CAMSAP2: variants seen among roughly 807,000 people sequenced by gnomAD.
CAMSAP2 encodes calmodulin regulated spectrin associated protein family member 2.
A neutral mutation model predicts 146.1 loss-of-function variants in CAMSAP2; 26 were observed. That is an observed-to-expected ratio of 0.18 (90% CI 0.13 to 0.25). The LOEUF (loss-of-function observed/expected upper bound fraction) is 0.25. Among genes scored for constraint, CAMSAP2 ranks in the 10% least tolerant of loss-of-function variants. CAMSAP2 has a pLI of 1.00. For missense variants in CAMSAP2, 1,381 were observed against 1,759.3 expected, an observed-to-expected ratio of 0.78 and a Z score of 3.85; for synonymous variants, 499 against 596.6, an observed-to-expected ratio of 0.84 and a Z score of 2.38.
chr1:200,782,007 CAT>C (rs1174083497), intron 2 of CAMSAP2, among the ~76,000 whole-genome samples: 2 of 151,860 alleles, frequency 1.3e-5, no homozygotes, highest in Non-Finnish European at 2.9e-5. Context: ...GGGGGGAAAA[CAT>C]AAAAATAAAT....
intron 2 of CAMSAP2, among the ~76,000 whole-genome samples, chr1:200,791,648 T>G (rs1340074487): frequency 6.6e-6 from 1 of 152,218 alleles, no homozygotes; most frequent in Non-Finnish European, 1.5e-5. Flanking sequence ...ATTCCTGTGG[T>G]CCCTTTCAAA....
chr1:200,785,171 G>A (rs939366025), intron 2 of CAMSAP2, among the ~76,000 whole-genome samples: 1 of 151,938 alleles, frequency 6.6e-6, no homozygotes, highest in South Asian at 2.1e-4. Flanking sequence ...TTTTCTCAAG[G>A]GTGTTTACAG....
intron 2 of CAMSAP2, among the ~76,000 whole-genome samples, chr1:200,786,130 T>A (rs1002524019): frequency 1.3e-5 from 2 of 152,232 alleles, no homozygotes; most frequent in African/African-American, 4.8e-5. Context: ...CTTTTTACTT[T>A]CCTGGTGTTA....
At position 200,857,433 on chromosome 1, in the gene CAMSAP2, G is replaced by A. The variant is rs539709709; in HGVS notation, c.4131+9G>A. The A allele has an allele frequency of 1.9e-6, 3 of 1,572,524 alleles. No homozygotes were observed. The highest frequency in any genetic ancestry group is 1.1e-5 in the South Asian group (1 of 90,112). On this transcript the variant is annotated intron_variant, in intron 16 of 16. Coordinates refer to ENST00000358823, the MANE Select transcript of CAMSAP2 (RefSeq NM_203459.4). The surrounding 1 kb of genome is among the most constrained non-coding windows in gnomAD (Gnocchi z 4.7). The stretch of plus-strand genomic sequence containing the variant: ...AGAAAAAAATACTGGAGGTAAGCAT[G>A]TTTGCATGAAAATTAAATTTGGCAA...
intron 4 of CAMSAP2, among the ~76,000 whole-genome samples, chr1:200,831,522 C>G (rs1315814123): frequency 6.6e-6 from 1 of 152,140 alleles, no homozygotes; most frequent in Non-Finnish European, 1.5e-5. Context: ...AAAATTCTAT[C>G]TAGCCACACC....
chr1:200,841,844 T>C, intron 6 of CAMSAP2, 150 bp from the exon 7 acceptor site: 1 of 605,906 alleles, frequency 1.7e-6, no homozygotes, highest in Non-Finnish European at 2.9e-6. Flanking sequence ...CCACAAGAGT[T>C]AATATTCCAT....
At chr1:200,856,235 A>G (rs927758397) in intron 15 of CAMSAP2, 110 bp downstream of exon 15, 4 of 690,320 alleles carry the variant, frequency 5.8e-6, no homozygotes, top group African/African-American at 3.6e-5. Flanking sequence ...AACATAGGCA[A>G]CTAATAAACA....
chr1:200,853,164 C>CA lies in CAMSAP2; in HGVS notation c.3603-110dup. Reference sequence around the variant, plus strand: ...GTACCTTTTAAATGAACCATTTATTCACCAAGGTGATGAAATAGAATTCTC... The same window carrying CA: ...GTACCTTTTAAATGAACCATTTATTCAACCAAGGTGATGAAATAGAATTCTC... On this transcript the variant is annotated intron_variant, in intron 12 of 16. Coordinates refer to ENST00000358823, the MANE Select transcript of CAMSAP2 (RefSeq NM_203459.4). This position sits in a 1 kb window ranked among gnomAD's most constrained non-coding sequence, Gnocchi z 5.1. 1.1e-6 allele frequency: 1 copy of CA among 935,388 alleles called. No individual in the cohort carries two copies. Among genetic ancestry groups the CA allele is most frequent in the Non-Finnish European group, 1.6e-6 (1 of 609,718 alleles). The allele number at this position is 935,388 out of a possible 1,614,324, so 57.9% of individuals were successfully genotyped here.
In CAMSAP2 at chr1:200,852,646, G is replaced by A. The variant is rs752384860; in HGVS notation, c.3571G>A (p.Ala1191Thr). 2.5e-6 allele frequency: 4 copies of A among 1,613,614 alleles called. No individual in the cohort carries two copies. In the African/African-American group the frequency reaches 5.3e-5, roughly 22 times the overall value. ...ETQLRKQQLE[A>T]EMEHKKEETR... ...TCAGCTCCGGAAACAACAGTTGGAA[G>A]CAGAAATGGAGCATAAGAAGGAGGA... The change falls in exon 12 of 17, where the codon GCA (alanine) becomes ACA (threonine). Residue 1191 changes from alanine to threonine, a missense_variant. By Grantham distance (58) the Ala-to-Thr change is moderately conservative. This residue lies in a region of CAMSAP2 where 560 missense variants were observed against 715.9 expected (regional missense o/e 0.78). Coordinates refer to ENST00000358823, the MANE Select transcript of CAMSAP2 (RefSeq NM_203459.4).
At chr1:200,856,426 G>C (rs1168092323) in intron 15 of CAMSAP2, among the ~76,000 whole-genome samples, 1 of 152,176 alleles carries the variant, frequency 6.6e-6, no homozygotes, top group Non-Finnish European at 1.5e-5. Context: ...AATCCACCAA[G>C]TCCTCTCCCT....
chr1:200,823,936 G>T (rs1666837529), intron 4 of CAMSAP2, among the ~76,000 whole-genome samples: 1 of 151,968 alleles, frequency 6.6e-6, no homozygotes, highest in Non-Finnish European at 1.5e-5. Flanking sequence ...AATATTTTAT[G>T]CTTTGAGTTA....
At chr1:200,830,198 T>C (rs1667007083) in intron 4 of CAMSAP2, among the ~76,000 whole-genome samples, 1 of 152,244 alleles carries the variant, frequency 6.6e-6, no homozygotes, top group Admixed American at 6.5e-5. Context: ...TTACTTAATA[T>C]ATCTTCTAGA....
At chr1:200,755,420 C>T (rs996763528) in intron 1 of CAMSAP2, among the ~76,000 whole-genome samples, 1 of 152,214 alleles carries the variant, frequency 6.6e-6, no homozygotes, top group Admixed American at 6.5e-5. Flanking sequence ...CTCCCCTGGT[C>T]ACTGAGAAAC....
At chr1:200,769,508 C>G (rs576758977) in intron 2 of CAMSAP2, among the ~76,000 whole-genome samples, 91 of 152,286 alleles carry the variant, frequency 6.0e-4, no homozygotes, top group Non-Finnish European at 8.5e-4. Context: ...GTCCCCAAGA[C>G]TACCCCACCA....
At chr1:200,796,445 T>C (rs1030836556) in intron 2 of CAMSAP2, among the ~76,000 whole-genome samples, 27 of 152,284 alleles carry the variant, frequency 1.8e-4, no homozygotes, top group African/African-American at 6.5e-4. Context: ...TTGGCTGTGG[T>C]GAGTCCCTTG....
At chr1:200,753,670 C>T (rs1664571234) in intron 1 of CAMSAP2, among the ~76,000 whole-genome samples, 1 of 152,130 alleles carries the variant, frequency 6.6e-6, no homozygotes, top group Admixed American at 6.5e-5. Flanking sequence ...TCTCCTAAAC[C>T]CCTACTACTT....
intron 14 of CAMSAP2, 28 bp from the exon 15 acceptor site, chr1:200,855,982 C>T (rs908839477): frequency 2.9e-5 from 42 of 1,461,232 alleles, no homozygotes; most frequent in Non-Finnish European, 3.9e-5. Flanking sequence ...CTGTTTGAGA[C>T]ATAAAACATA....
At chr1:200,852,791 G>A in intron 12 of CAMSAP2, 114 bp downstream of exon 12, 4 of 1,151,410 alleles carry the variant, frequency 3.5e-6, no homozygotes, top group Non-Finnish European at 3.6e-6. Context: ...TTTATTAACA[G>A]ATTTCTTTCA....
intron 4 of CAMSAP2, among the ~76,000 whole-genome samples, chr1:200,829,639 C>A (rs1014423773): frequency 2.6e-5 from 4 of 151,870 alleles, no homozygotes; most frequent in Non-Finnish European, 5.9e-5. Flanking sequence ...TAGAAATATA[C>A]CATAATGGCC....
Sources: gnomAD v4.1 joint callset for allele counts (sites outside exome capture counted in the v4.1 genomes callset) on GRCh38, gnomAD v4.1.1 for gene constraint, gnomAD v4.1.1 regional missense constraint, Gnocchi (gnomAD v3.1) non-coding constraint, MANE v1.5 for transcripts, NCBI Gene and HGNC (gene_info 2026-07-23, HGNC 2026-07-21) for gene names.